Variants in GLIS3 observed in about 807,000 individuals in gnomAD.
GLIS3 encodes zinc finger protein GLIS3.
A neutral mutation model predicts 78.6 loss-of-function variants in GLIS3; 53 were observed. That is an observed-to-expected ratio of 0.67 (90% CI 0.54 to 0.85). The LOEUF (loss-of-function observed/expected upper bound fraction) is 0.85, where lower values mean the gene tolerates loss of function less well. Among genes scored for constraint, GLIS3 ranks in the 40% least tolerant of loss-of-function variants. The pLI, the probability that GLIS3 is intolerant of heterozygous loss-of-function variation, is 0.00. For missense variants in GLIS3, 1,703 were observed against 1,231.1 expected, an observed-to-expected ratio of 1.38 and a Z score of -5.74; for synonymous variants, 684 against 509.9, an observed-to-expected ratio of 1.34 and a Z score of -4.60.
chr9:3,859,350 AACACACAC>A (rs34973607), intron 8 of GLIS3, among the ~76,000 whole-genome samples: 1,761 of 148,886 alleles, frequency 0.012, 22 homozygotes, highest in Middle Eastern at 0.024. Context: ...GTTTCTTCGA[AACACACAC>A]ACACACACAC....
At chr9:4,437,659 A>G in the GLIS3 span, among the ~76,000 whole-genome samples, 1 of 152,082 alleles carries the variant, frequency 6.6e-6, no homozygotes, top group Non-Finnish European at 1.5e-5. Flanking sequence ...TTTTTTCAAT[A>G]AAAGTTATAC....
intron 2 of GLIS3, among the ~76,000 whole-genome samples, chr9:4,168,613 T>C (rs1816094291): frequency 6.6e-6 from 1 of 152,232 alleles, no homozygotes; most frequent in Admixed American, 6.5e-5. Context: ...TATTATTAAG[T>C]AATAAAAACA....
the GLIS3 span, among the ~76,000 whole-genome samples, chr9:4,413,918 C>G: frequency 7.2e-5 from 11 of 152,098 alleles, no homozygotes; most frequent in African/African-American, 2.7e-4. Context: ...ACTTCACCAG[C>G]TTATGGAATT....
At chr9:4,006,538 A>G (rs1317846554) in intron 4 of GLIS3, among the ~76,000 whole-genome samples, 1 of 152,148 alleles carries the variant, frequency 6.6e-6, no homozygotes, top group Non-Finnish European at 1.5e-5. Context: ...TGCAGGAAGG[A>G]CAGGGAATGC....
the GLIS3 span, among the ~76,000 whole-genome samples, chr9:4,453,332 A>G: frequency 8.1e-6 from 1 of 123,670 alleles, no homozygotes; most frequent in East Asian, 2.6e-4. Flanking sequence ...TAAACTAAAG[A>G]GCTTCTGCAC....
intron 4 of GLIS3, among the ~76,000 whole-genome samples, chr9:4,103,383 T>C (rs540190005): frequency 1.3e-5 from 2 of 152,168 alleles, no homozygotes; most frequent in African/African-American, 4.8e-5. Context: ...CATGGAGACA[T>C]TACCAGAGCA....
chr9:4,417,131 A>G, the GLIS3 span, among the ~76,000 whole-genome samples: 2 of 152,190 alleles, frequency 1.3e-5, no homozygotes, highest in African/African-American at 4.8e-5. Flanking sequence ...AGTAAACTGA[A>G]TAACAAATAG....
the GLIS3 span, among the ~76,000 whole-genome samples, chr9:4,467,821 C>A: frequency 1.3e-5 from 2 of 152,146 alleles, no homozygotes; most frequent in African/African-American, 4.8e-5. Flanking sequence ...TTCCGATGAT[C>A]GGTAATAACA....
the GLIS3 span, among the ~76,000 whole-genome samples, chr9:4,355,175 C>T: frequency 6.6e-6 from 1 of 151,934 alleles, no homozygotes; most frequent in Non-Finnish European, 1.5e-5. Context: ...AGAGAGTTCC[C>T]TGAGTCAAAG....
chr9:4,081,032 G>A (rs1285134319), intron 4 of GLIS3, among the ~76,000 whole-genome samples: 1 of 152,170 alleles, frequency 6.6e-6, no homozygotes, highest in Admixed American at 6.5e-5. Flanking sequence ...AGTCTTGCCT[G>A]GCTTGTCCTT....
intron 4 of GLIS3, among the ~76,000 whole-genome samples, chr9:4,018,250 C>A (rs1034297589): frequency 6.6e-6 from 1 of 152,124 alleles, no homozygotes; most frequent in African/African-American, 2.4e-5. Flanking sequence ...ATAAAATGAG[C>A]AATTAGGGTG....
At chr9:4,172,036 T>G (rs968403764) in intron 2 of GLIS3, among the ~76,000 whole-genome samples, 5 of 152,204 alleles carry the variant, frequency 3.3e-5, no homozygotes, top group African/African-American at 1.2e-4. Flanking sequence ...TGCTAAATAT[T>G]TCTCTTTTTG....
chr9:3,848,337 C>T (rs1476821094), intron 9 of GLIS3, among the ~76,000 whole-genome samples: 1 of 152,016 alleles, frequency 6.6e-6, no homozygotes, highest in Non-Finnish European at 1.5e-5. Context: ...CCCGTCTCTA[C>T]TAAAAATACA....
At chr9:4,186,141 C>A (rs1440351826) in intron 2 of GLIS3, among the ~76,000 whole-genome samples, 1 of 101,348 alleles carries the variant, frequency 9.9e-6, no homozygotes, top group Non-Finnish European at 1.9e-5. Context: ...CTAATGCTAT[C>A]CCTCCCCCAC....
the GLIS3 span, among the ~76,000 whole-genome samples, chr9:4,461,559 C>A: frequency 3.3e-5 from 5 of 152,340 alleles, no homozygotes; most frequent in Middle Eastern, 6.8e-3. Context: ...GGTTTGGATT[C>A]TTTGCTACTC....
At chr9:4,441,726 C>T in the GLIS3 span, among the ~76,000 whole-genome samples, 1 of 152,166 alleles carries the variant, frequency 6.6e-6, no homozygotes, top group Admixed American at 6.6e-5. Flanking sequence ...TCCACCTCAA[C>T]CTCCAAAGTA....
At chr9:3,927,835 T>A (rs540107806) in intron 6 of GLIS3, among the ~76,000 whole-genome samples, 2 of 152,336 alleles carry the variant, frequency 1.3e-5, no homozygotes, top group African/African-American at 4.8e-5. Context: ...AAGCAACTGG[T>A]TTCAAATCCA....
At chr9:4,100,771 G>C (rs1830310382) in intron 4 of GLIS3, among the ~76,000 whole-genome samples, 1 of 152,144 alleles carries the variant, frequency 6.6e-6, no homozygotes, top group African/African-American at 2.4e-5. Context: ...AGTCTCCTGA[G>C]CATAGAAAGC....
At chr9:3,858,323 A>G (rs1245795661) in intron 8 of GLIS3, among the ~76,000 whole-genome samples, 1 of 152,212 alleles carries the variant, frequency 6.6e-6, no homozygotes, top group Non-Finnish European at 1.5e-5. Flanking sequence ...ATATAATTAT[A>G]TGCTGATTAA....
Sources: allele counts gnomAD v4.1 joint callset (sites outside exome capture counted in the v4.1 genomes callset), GRCh38; gene constraint gnomAD v4.1.1; transcripts MANE v1.5; gene names NCBI Gene and HGNC (gene_info 2026-07-23, HGNC 2026-07-21).